The following SPPL3 variants were observed in gnomAD, a reference collection of about 807,000 sequenced individuals.
SPPL3 encodes signal peptide peptidase-like 3.
Under a neutral mutation model 42.4 loss-of-function variants are expected in SPPL3, and 5 were observed. The observed-to-expected ratio is 0.12, with a 90% CI of 0.06 to 0.25. SPPL3 has a LOEUF of 0.25. Ranked by LOEUF, SPPL3 falls within the 10% of genes least tolerant of loss-of-function variation. The pLI, the probability that SPPL3 is intolerant of heterozygous loss-of-function variation, is 1.00. For synonymous variants in SPPL3, 195 were observed against 181.8 expected, an observed-to-expected ratio of 1.07 and a Z score of -0.58; for missense variants, 235 against 489.0, an observed-to-expected ratio of 0.48 and a Z score of 4.90.
At chr12:120,783,876 T>A (rs1869624995) in intron 4 of SPPL3, 124 bp from the exon 5 acceptor site, 2 of 776,510 alleles carry the variant, frequency 2.6e-6, no homozygotes, top group African/African-American at 3.6e-5. Context: ...AAGAAAAATG[T>A]CTTCCTTTAA....
chr12:120,896,101 C>T (rs1007490469), intron 1 of SPPL3, among the ~76,000 whole-genome samples: 2 of 152,088 alleles, frequency 1.3e-5, no homozygotes, highest in Non-Finnish European at 2.9e-5. Flanking sequence ...AGAGAGATAA[C>T]TAAGTTTTCC....
At chr12:120,888,496 T>C (rs937402827) in intron 1 of SPPL3, among the ~76,000 whole-genome samples, 1 of 152,200 alleles carries the variant, frequency 6.6e-6, no homozygotes, top group Non-Finnish European at 1.5e-5. Context: ...AATGAAGCAT[T>C]GACACATGCT....
At position 120,904,163 on chromosome 12, in the gene SPPL3, G is replaced by C. The variant is rs1384045312; in HGVS notation, c.-296C>G. ...AACCCAACATGGCGGCGGCGGCGGCGCGGAGAACAAGGGGGCCCTGGGGCG... is the reference window on the plus strand; with the variant it reads ...AACCCAACATGGCGGCGGCGGCGGCCCGGAGAACAAGGGGGCCCTGGGGCG... On this transcript the variant is annotated 5_prime_UTR_variant, in exon 1 of 11. Transcript: ENST00000353487. The C allele has an allele frequency of 7.0e-6, 2 of 284,074 alleles. No homozygotes were observed. 17.6% of individuals were successfully genotyped at this position (284,074 alleles called of 1,614,324 possible). A position where few individuals can be genotyped will look rare whatever the true frequency, so the allele number is the denominator to read the frequency against.
chr12:120,873,035 G>GA (rs755012454), intron 1 of SPPL3, among the ~76,000 whole-genome samples: 85 of 152,258 alleles, frequency 5.6e-4, no homozygotes, highest in Non-Finnish European at 1.1e-3. Context: ...ACAAATGATA[G>GA]AAATAATGGA....
At chr12:120,781,136 T>C (rs1348473890) in intron 6 of SPPL3, among the ~76,000 whole-genome samples, 1 of 152,176 alleles carries the variant, frequency 6.6e-6, no homozygotes, top group African/African-American at 2.4e-5. Context: ...GTAAAGCACC[T>C]AGCAGACTGC....
At chr12:120,802,969 T>G (rs1224248185) in intron 2 of SPPL3, among the ~76,000 whole-genome samples, 2 of 152,222 alleles carry the variant, frequency 1.3e-5, no homozygotes, top group East Asian at 3.8e-4. Context: ...GTACTACAAT[T>G]CATTCAACAA....
At chr12:120,896,092 G>T (rs889986158) in intron 1 of SPPL3, among the ~76,000 whole-genome samples, 35 of 152,188 alleles carry the variant, frequency 2.3e-4, no homozygotes, top group African/African-American at 7.9e-4. Flanking sequence ...AACTCCAAAA[G>T]AGAGATAACT....
intron 1 of SPPL3, among the ~76,000 whole-genome samples, chr12:120,885,145 A>C (rs1199847868): frequency 6.6e-6 from 1 of 152,240 alleles, no homozygotes; most frequent in Non-Finnish European, 1.5e-5. Flanking sequence ...CTTTCTTAGT[A>C]AGGCTAAGGC....
At position 120,875,849 on chromosome 12, in the gene SPPL3, T is replaced by C. The variant is rs140829408; in HGVS notation, c.23+27996A>G. ...GTAAGATCCGGCCACATGCTATGTA[T>C]AAGAAACATAGTTTAAATATAAATA... On this transcript the variant is annotated intron_variant, in intron 1 of 10. Transcript: ENST00000353487. Among the ~76,000 whole-genome samples, 58 of 152,250 alleles carry C rather than the reference T, an allele frequency of 3.8e-4. No individual in the cohort carries two copies. In the East Asian group the frequency reaches 8.3e-3, roughly 22 times the overall value.
intron 2 of SPPL3, among the ~76,000 whole-genome samples, chr12:120,793,331 A>G (rs1448202504): frequency 6.6e-6 from 1 of 152,222 alleles, no homozygotes; most frequent in African/African-American, 2.4e-5. Context: ...CCCTGTCTCT[A>G]TAAAAAATAA....
intron 1 of SPPL3, among the ~76,000 whole-genome samples, chr12:120,854,146 T>C (rs1353752201): frequency 1.3e-5 from 2 of 152,086 alleles, no homozygotes; most frequent in East Asian, 3.8e-4. Context: ...AATGTACCCT[T>C]TACTGACGGC....
At chr12:120,801,189 C>T (rs1870281923) in intron 2 of SPPL3, among the ~76,000 whole-genome samples, 3 of 152,344 alleles carry the variant, frequency 2.0e-5, no homozygotes, top group Admixed American at 1.3e-4. Flanking sequence ...GAGAGTCTGA[C>T]ACCTTAGAAG....
At chr12:120,779,997 C>CAA (rs63515160) in intron 6 of SPPL3, among the ~76,000 whole-genome samples, 9 of 119,940 alleles carry the variant, frequency 7.5e-5, no homozygotes, top group African/African-American at 1.6e-4. Context: ...GACTCCATCT[C>CAA]AAAAAAAAAA....
In SPPL3 at chr12:120,850,611, T is replaced by C. The variant is rs554820562; in HGVS notation, c.24-39725A>G. 1.1e-4 allele frequency among the ~76,000 whole-genome samples: 16 copies of C among 151,834 alleles called. No individual in the cohort carries two copies. In the East Asian group the frequency reaches 1.7e-3, roughly 16 times the overall value. Reference sequence around the variant, plus strand: ...TGGACGTTAGGGTTTTTCAAACACTTTCCCTTTTTAAATGTGAGTAACATC... The same window carrying C: ...TGGACGTTAGGGTTTTTCAAACACTCTCCCTTTTTAAATGTGAGTAACATC... On this transcript the variant is annotated intron_variant, in intron 1 of 10. Transcript: ENST00000353487.
At chr12:120,777,649 C>T (rs1015434747) in intron 6 of SPPL3, among the ~76,000 whole-genome samples, 6 of 152,196 alleles carry the variant, frequency 3.9e-5, no homozygotes, top group Non-Finnish European at 8.8e-5. Context: ...AATGCAATGT[C>T]ATCAACTTCC....
At chr12:120,845,687 A>T (rs1328300478) in intron 1 of SPPL3, 1 of 311,078 alleles carries the variant, frequency 3.2e-6, no homozygotes, top group Non-Finnish European at 6.6e-6. Flanking sequence ...GGACGCTGGG[A>T]AGGGTACCTC....
chr12:120,797,047 G>A (rs1056789106), intron 2 of SPPL3, among the ~76,000 whole-genome samples: 1 of 152,146 alleles, frequency 6.6e-6, no homozygotes, highest in African/African-American at 2.4e-5. Flanking sequence ...GTGGGTGCCT[G>A]TAATCCGAGC....
At chr12:120,845,248 GCATT>G (rs145804240) in intron 1 of SPPL3, 9,883 of 401,144 alleles carry the variant, frequency 0.025, 227 homozygotes, top group South Asian at 0.046. Flanking sequence ...GGTCCCTGCT[GCATT>G]CACGGCATTG....
chr12:120,857,864 G>A (rs944777917), intron 1 of SPPL3, among the ~76,000 whole-genome samples: 5 of 152,282 alleles, frequency 3.3e-5, no homozygotes, highest in East Asian at 3.9e-4. Context: ...TAATGCATGC[G>A]GGGCTTAATA....
Sources: gnomAD v4.1 joint callset for allele counts (sites outside exome capture counted in the v4.1 genomes callset) on GRCh38, gnomAD v4.1.1 for gene constraint, MANE v1.5 for transcripts, NCBI Gene and HGNC (gene_info 2026-07-23, HGNC 2026-07-21) for gene names.